The following CTRC variants were observed in gnomAD, a reference collection of about 807,000 sequenced individuals.
CTRC encodes the protein chymotrypsin-C.
CTRC carries 32 observed loss-of-function variants against 35.7 expected under a neutral mutation model. The observed-to-expected ratio is 0.90, with a 90% CI of 0.68 to 1.20. The LOEUF is 1.20. CTRC is among the 50% of genes most tolerant of loss of function. The probability of loss-of-function intolerance (pLI) is 0.00; values close to 1 mark genes in which losing one functional copy is unlikely to be tolerated. For missense variants in CTRC, 324 were observed against 361.5 expected (o/e 0.90, Z 0.84); for synonymous variants, 119 against 149.5 (o/e 0.80, Z 1.49).
At chr1:15,439,482 T>C (rs1220990293) in intron 1 of CTRC, among the ~76,000 whole-genome samples, 1 of 151,876 alleles carries the variant, frequency 6.6e-6, no homozygotes, top group Non-Finnish European at 1.5e-5. Flanking sequence ...ATAGCCCCAT[T>C]TTACAGATGA....
intron 7 of CTRC, among the ~76,000 whole-genome samples, chr1:15,445,989 TTCAC>T (rs1334085968): frequency 6.5e-5 from 9 of 139,474 alleles, no homozygotes; most frequent in African/African-American, 2.0e-4. Context: ...CACTTATTCA[TTCAC>T]TCATTCATGT....
chr1:15,441,967 C>T (rs1708139411), intron 3 of CTRC, among the ~76,000 whole-genome samples: 1 of 152,110 alleles, frequency 6.6e-6, no homozygotes, highest in Admixed American at 6.6e-5. Context: ...GTCTCAAACT[C>T]CTGGCCTCAA....
At position 15,446,790 on chromosome 1, in the gene CTRC, G is replaced by A; in HGVS notation, c.*201G>A. The A allele has an allele frequency of 2.9e-6, 2 of 696,726 alleles. No homozygotes were observed. Among genetic ancestry groups the A allele is most frequent in the Non-Finnish European group, 5.1e-6 (2 of 389,806 alleles). 43.2% of individuals were successfully genotyped at this position (696,726 alleles called of 1,614,324 possible). A position where few individuals can be genotyped will look rare whatever the true frequency, so the allele number is the denominator to read the frequency against. ...GCATTAGACAGGTGGGGAAACAGAG[G>A]CCGGGAGAGAGGGCCAAGGAAGGAG... is the stretch of plus-strand genomic sequence containing the variant. On this transcript the variant is annotated 3_prime_UTR_variant, in exon 8 of 8. Transcript: ENST00000375949.
chr1:15,442,990 A>G (rs1708158394), intron 4 of CTRC, among the ~76,000 whole-genome samples: 5 of 152,222 alleles, frequency 3.3e-5, no homozygotes. Context: ...TCGTGGCAGA[A>G]CTAGGAATCA....
At position 15,440,421 on chromosome 1, in the gene CTRC, A is replaced by T. The variant is rs767834265; in HGVS notation, c.132+30A>T. 3 of 1,612,380 alleles carry T rather than the reference A, an allele frequency of 1.9e-6. No individual in the cohort carries two copies. In the East Asian group the frequency reaches 6.7e-5, roughly 36 times the overall value. On this transcript the variant is annotated intron_variant, in intron 2 of 7. Coordinates refer to ENST00000375949, the MANE Select transcript of CTRC (RefSeq NM_007272.3). Reference sequence around the variant, plus strand: ...GCCTGTGTAGGGCTGGGAGGTACAGATAGAGAGGGTGGCGGGGTGAGGGTC... The same window carrying T: ...GCCTGTGTAGGGCTGGGAGGTACAGTTAGAGAGGGTGGCGGGGTGAGGGTC...
intron 7 of CTRC, among the ~76,000 whole-genome samples, chr1:15,446,149 G>C (rs1186704288): frequency 6.6e-6 from 1 of 152,216 alleles, no homozygotes; most frequent in East Asian, 1.9e-4. Flanking sequence ...AGCAGGCCTT[G>C]AGTTGGGTGC....
chr1:15,445,835 C>G (rs756754404), intron 7 of CTRC, 86 bp downstream of exon 7: 2 of 1,477,932 alleles, frequency 1.4e-6, no homozygotes, highest in East Asian at 2.3e-5. Flanking sequence ...CTCATTCATG[C>G]GTTTATTCAT....
At position 15,448,401 on chromosome 1, in the gene CTRC, C is replaced by A. The variant is rs1188541998; in HGVS notation, c.*1812C>A. The A allele has an allele frequency of 6.6e-6, 1 of 150,984 alleles. No homozygotes were observed. Among genetic ancestry groups the A allele is most frequent in the African/African-American group, 2.4e-5 (1 of 40,976 alleles). The allele number at this position is 150,984 out of a possible 1,614,324, so 9.4% of individuals were successfully genotyped here. A position where few individuals can be genotyped will look rare whatever the true frequency, so the allele number is the denominator to read the frequency against. ...TCACCTGGGCTGTAGTGCAGTGGTGCCATCTCGGCTCACTGCAAGCTCCGC... is the reference window on the plus strand; with the variant it reads ...TCACCTGGGCTGTAGTGCAGTGGTGACATCTCGGCTCACTGCAAGCTCCGC... On this transcript the variant is annotated 3_prime_UTR_variant, in exon 8 of 8. Transcript: ENST00000375949.
At position 15,442,697 on chromosome 1, in the gene CTRC, C is replaced by G. The variant is rs562284864; in HGVS notation, c.356+125C>G. 141 of 1,359,112 alleles carry G rather than the reference C, an allele frequency of 1.0e-4. 1 individual carries two copies. The African/African-American group carries it at 1.7e-3, about 17-fold the overall frequency. The allele number at this position is 1,359,112 out of a possible 1,614,324, so 84.2% of individuals were successfully genotyped here. On this transcript the variant is annotated intron_variant, in intron 4 of 7. Coordinates refer to ENST00000375949, the MANE Select transcript of CTRC (RefSeq NM_007272.3). ...CCCCATCCTCACCCTGGAAAGCCAG[C>G]AAATGACTGTCTTACACAAAATGGC... is the stretch of plus-strand genomic sequence containing the variant.
rs567745213 is a variant in CTRC at position 15,445,636 on chromosome 1, G to A, written c.679G>A (p.Gly227Ser). 1.1e-5 allele frequency: 18 copies of A among 1,614,194 alleles called. No individual in the cohort carries two copies. The highest frequency in any genetic ancestry group is 1.3e-5 in the Non-Finnish European group (15 of 1,180,040). Reference protein sequence around the residue: ...GGPLNCQLENGSWEVFGIVSF... With the variant: ...GGPLNCQLENSSWEVFGIVSF... ...CCCACTGAACTGCCAGTTGGAGAAC[G>A]GTTCCTGGGAGGTGTTTGGCATCGT... Residue 227 changes from glycine to serine, a missense_variant, in exon 7 of 8, where the codon GGT becomes AGT. Transcript: ENST00000375949.
chr1:15,446,554 C>T, intron 7 of CTRC, 21 bp from the exon 8 acceptor site: 1 of 1,614,170 alleles, frequency 6.2e-7, no homozygotes, highest in Non-Finnish European at 8.5e-7. Context: ...GAGTCTCTCA[C>T]ACTGTTCTCT....
intron 3 of CTRC, 109 bp from the exon 4 acceptor site, chr1:15,442,338 C>G: frequency 7.3e-7 from 1 of 1,378,508 alleles, no homozygotes; most frequent in Non-Finnish European, 1.0e-6. Flanking sequence ...ACAATGGGAA[C>G]ACTCTCTTCC....
At chr1:15,440,226 G>GTCC in intron 1 of CTRC, 74 bp from the exon 2 acceptor site, 3 of 523,580 alleles carry the variant, frequency 5.7e-6, no homozygotes, top group Non-Finnish European at 7.3e-6. Flanking sequence ...TCTTCCACCT[G>GTCC]CCCACCCTCC....
chr1:15,446,018 G>C (rs12754584), intron 7 of CTRC, among the ~76,000 whole-genome samples: 444 of 123,446 alleles, frequency 3.6e-3, no homozygotes, highest in African/African-American at 0.014. Flanking sequence ...ATTCATTCAT[G>C]CATTTATTTA....
Position 15,447,238 on chromosome 1 carries a change from T to C in CTRC, c.*649T>C, listed in dbSNP as rs1408279075. 1 of 177,338 alleles carries C rather than the reference T, an allele frequency of 5.6e-6. No individual in the cohort carries two copies. Among genetic ancestry groups the C allele is most frequent in the Non-Finnish European group, 1.2e-5 (1 of 82,892 alleles). The allele number at this position is 177,338 out of a possible 1,614,324, so 11.0% of individuals were successfully genotyped here. ...AGTGTTTAGTGAGCCAGCCCCTGTG[T>C]CCAGTCCTGTGCTGGGCATGATGAG... On this transcript the variant is annotated 3_prime_UTR_variant, in exon 8 of 8. Coordinates refer to ENST00000375949, the MANE Select transcript of CTRC (RefSeq NM_007272.3).
chr1:15,447,148 C>G lies in CTRC; in HGVS notation c.*559C>G, dbSNP rs962773529. 2.3e-5 allele frequency: 5 copies of G among 221,366 alleles called. No individual in the cohort carries two copies. The highest frequency in any genetic ancestry group is 1.2e-4 in the African/African-American group (5 of 43,336). 13.7% of individuals were successfully genotyped at this position (221,366 alleles called of 1,614,324 possible). On this transcript the variant is annotated 3_prime_UTR_variant, in exon 8 of 8. Coordinates refer to ENST00000375949, the MANE Select transcript of CTRC (RefSeq NM_007272.3). ...GGGGAAGGGGCTCCCTAGCAGGGAC[C>G]CCCCACCCCCACCCCGCAGCACAGA...
At position 15,444,450 on chromosome 1, in the gene CTRC, C is replaced by G. The variant is rs547640282; in HGVS notation, c.494-156C>G. On this transcript the variant is annotated intron_variant, in intron 5 of 7. Transcript: ENST00000375949. Reference sequence around the variant, plus strand: ...TGCTCCTGACCCTCTGGGACCTTGGCTTGCCTCTTGATGAAGGGCAGGTGT... The same window carrying G: ...TGCTCCTGACCCTCTGGGACCTTGGGTTGCCTCTTGATGAAGGGCAGGTGT... Among the ~76,000 whole-genome samples the G allele has an allele frequency of 9.0e-4, 137 of 151,828 alleles. 1 individual carries two copies. Among genetic ancestry groups the G allele is most frequent in the African/African-American group, 3.2e-3 (131 of 41,148 alleles).
At position 15,442,559 on chromosome 1, in the gene CTRC, G is replaced by A. The variant is rs1054028480; in HGVS notation, c.343G>A (p.Ala115Thr). Reference protein sequence around the residue: ...DTIHVHKRWNALLLRNDIALI... With the variant: ...DTIHVHKRWNTLLLRNDIALI... ...CATCCACGTCCACAAGAGATGGAAT[G>A]CCCTCCTGTTGCGGTGAGTGACAGA... The change falls in exon 4 of 8, where the codon GCC becomes ACC. Residue 115 changes from alanine (A) to threonine (T), a missense_variant. Transcript: ENST00000375949. 15 of 1,613,964 alleles carry A rather than the reference G, an allele frequency of 9.3e-6. No homozygotes were observed. The highest frequency in any genetic ancestry group is 1.1e-5 in the Non-Finnish European group (13 of 1,179,982).
At chr1:15,446,097 T>G (rs567750027) in intron 7 of CTRC, among the ~76,000 whole-genome samples, 2 of 152,370 alleles carry the variant, frequency 1.3e-5, no homozygotes, top group Admixed American at 1.3e-4. Context: ...TCTTCACACA[T>G]TCACTCTCTC....
Sources: gnomAD v4.1 joint callset for allele counts (sites outside exome capture counted in the v4.1 genomes callset) on GRCh38, gnomAD v4.1.1 for gene constraint, MANE v1.5 for transcripts, NCBI Gene and HGNC (gene_info 2026-07-23, HGNC 2026-07-21) for gene names.